The following BLTP1 variants were observed in gnomAD, a reference collection of about 807,000 sequenced individuals.
The protein encoded by BLTP1 is fragile site-associated protein.
At chr4:122,269,438 C>A in the BLTP1 span, 2 of 985,170 alleles carry the variant, frequency 2.0e-6, no homozygotes, top group African/African-American at 1.7e-5. Flanking sequence ...TTTGGTCTAG[C>A]TGAACTTGAC....
the BLTP1 span, among the ~76,000 whole-genome samples, chr4:122,164,987 A>C: frequency 3.3e-5 from 5 of 152,212 alleles, no homozygotes; most frequent in Admixed American, 3.3e-4. Flanking sequence ...TATTGTCTTC[A>C]TTTAAATACA....
chr4:122,272,731 T>A, the BLTP1 span, among the ~76,000 whole-genome samples: 1 of 152,096 alleles, frequency 6.6e-6, no homozygotes. Context: ...ATGAAATTTA[T>A]GAAAAATTTG....
At chr4:122,358,494 C>T in the BLTP1 span, among the ~76,000 whole-genome samples, 8 of 152,138 alleles carry the variant, frequency 5.3e-5, no homozygotes, top group African/African-American at 7.2e-5. Flanking sequence ...GGCCAAAATA[C>T]TCAAATATAC....
At chr4:122,171,193 T>C in the BLTP1 span, among the ~76,000 whole-genome samples, 1 of 152,252 alleles carries the variant, frequency 6.6e-6, no homozygotes, top group East Asian at 1.9e-4. Context: ...CAGTGAGATC[T>C]GCTATTAATA....
the BLTP1 span, chr4:122,258,632 C>A: frequency 6.6e-7 from 1 of 1,522,812 alleles, no homozygotes; most frequent in South Asian, 1.3e-5. Flanking sequence ...TAACTAGAAA[C>A]ATAGGGGCTG....
the BLTP1 span, among the ~76,000 whole-genome samples, chr4:122,153,514 A>T: frequency 6.6e-6 from 1 of 152,214 alleles, no homozygotes; most frequent in East Asian, 1.9e-4. Context: ...GAATAGACCT[A>T]CAAAGTAACA....
chr4:122,338,063 T>G, the BLTP1 span, among the ~76,000 whole-genome samples: 1 of 152,038 alleles, frequency 6.6e-6, no homozygotes, highest in African/African-American at 2.4e-5. Flanking sequence ...AACAGTAATG[T>G]GGCCAAAAGA....
chr4:122,292,294 G>T, the BLTP1 span: 1 of 921,888 alleles, frequency 1.1e-6, no homozygotes, highest in South Asian at 5.1e-5. Context: ...CTTCAGAGAT[G>T]GATTATCAAA....
At chr4:122,312,885 G>A in the BLTP1 span, 1 of 857,806 alleles carries the variant, frequency 1.2e-6, no homozygotes, top group Non-Finnish European at 1.4e-6. Context: ...ATGTACTCTG[G>A]AGTTTAAATT....
chr4:122,340,216 A>C, the BLTP1 span, among the ~76,000 whole-genome samples: 10 of 152,162 alleles, frequency 6.6e-5, no homozygotes, highest in African/African-American at 2.2e-4. Context: ...AGATGCTGCT[A>C]AACATTCTAT....
chr4:122,362,437 A>G, the BLTP1 span: 1 of 440,890 alleles, frequency 2.3e-6, no homozygotes, highest in Non-Finnish European at 4.0e-6. Flanking sequence ...TGATAATGTA[A>G]ATTTTGTGAA....
the BLTP1 span, chr4:122,348,436 T>A: frequency 5.3e-6 from 4 of 760,630 alleles, no homozygotes; most frequent in Admixed American, 3.3e-5. Flanking sequence ...AGGATAACCA[T>A]TAAACATTAG....
chr4:122,212,023 C>G, the BLTP1 span: 180,261 of 976,296 alleles, frequency 0.18, 17,732 homozygotes, highest in Middle Eastern at 0.24. Flanking sequence ...CTTTGGATAT[C>G]GAATACCTAG....
the BLTP1 span, chr4:122,316,569 T>C: frequency 1.1e-6 from 1 of 921,670 alleles, no homozygotes; most frequent in Non-Finnish European, 1.7e-6. Context: ...ACTAAATAGA[T>C]TCCTTATGAA....
the BLTP1 span, among the ~76,000 whole-genome samples, chr4:122,196,102 G>A: frequency 6.6e-6 from 1 of 152,090 alleles, no homozygotes; most frequent in African/African-American, 2.4e-5. Context: ...TTGCTCTTTA[G>A]CCTTTTAATG....
the BLTP1 span, among the ~76,000 whole-genome samples, chr4:122,332,552 A>C: frequency 6.6e-6 from 1 of 151,860 alleles, no homozygotes; most frequent in Admixed American, 6.6e-5. Context: ...GTCTCGCTAG[A>C]GATACTGATG....
the BLTP1 span, chr4:122,334,205 G>C: frequency 4.9e-6 from 4 of 809,060 alleles, no homozygotes; most frequent in Non-Finnish European, 7.6e-6. Flanking sequence ...AAAGAAACTT[G>C]CCAGGATCAC....
chr4:122,341,952 T>A, the BLTP1 span: 1 of 425,076 alleles, frequency 2.4e-6, no homozygotes, highest in Non-Finnish European at 3.1e-6. Context: ...TTGTCAACTC[T>A]GAATAACAAA....
At chr4:122,322,605 A>ATGTCTGGCTATC in the BLTP1 span, among the ~76,000 whole-genome samples, 6 of 152,268 alleles carry the variant, frequency 3.9e-5, no homozygotes, top group African/African-American at 1.2e-4. Context: ...ATGATTTACC[A>ATGTCTGGCTATC]AGTAAAAAGA....
Sources: gnomAD v4.1 joint callset for allele counts (sites outside exome capture counted in the v4.1 genomes callset) on GRCh38, gnomAD v4.1.1 for gene constraint, MANE v1.5 for transcripts, NCBI Gene and HGNC (gene_info 2026-07-23, HGNC 2026-07-21) for gene names.